The following SRGAP2C variants were observed in gnomAD, a reference collection of about 807,000 sequenced individuals.
SRGAP2C encodes SLIT-ROBO Rho GTPase activating protein 2C, also known as SLIT-ROBO Rho GTPase-activating protein 2C.
SRGAP2C carries 15 observed loss-of-function variants against 25.1 expected under a neutral mutation model. The ratio of observed to expected loss-of-function variants is 0.60; its 90% CI spans 0.40 to 0.92. The LOEUF (loss-of-function observed/expected upper bound fraction) is 0.92. Among genes scored for constraint, SRGAP2C ranks in the 40% least tolerant of loss-of-function variants. The probability of loss-of-function intolerance (pLI) is 0.00; values close to 1 mark genes in which losing one functional copy is unlikely to be tolerated. For missense variants in SRGAP2C, 144 were observed against 264.4 expected (o/e 0.54, Z 3.16); for synonymous variants, 44 against 96.6 (o/e 0.46, Z 3.19).
At chr1:121,308,846 G>A (rs1388973034) in intron 3 of SRGAP2C, among the ~76,000 whole-genome samples, 1 of 144,094 alleles carries the variant, frequency 6.9e-6, no homozygotes, top group African/African-American at 2.6e-5. Context: ...GGCTGAGGCA[G>A]GAGAATCGCT....
chr1:121,268,378 T>G (rs1656858280), intron 2 of SRGAP2C, among the ~76,000 whole-genome samples: 1 of 151,552 alleles, frequency 6.6e-6, no homozygotes, highest in Non-Finnish European at 1.5e-5. Context: ...TGGGGGCCAG[T>G]GAGTAAGGGT....
At chr1:121,304,895 G>T (rs1346627837) in intron 3 of SRGAP2C, among the ~76,000 whole-genome samples, 2 of 151,776 alleles carry the variant, frequency 1.3e-5, no homozygotes, top group South Asian at 2.1e-4. Context: ...CTCCGGAATG[G>T]GGTCTTGACA....
At chr1:121,249,576 A>ATT (rs1274776472) in intron 2 of SRGAP2C, among the ~76,000 whole-genome samples, 6 of 21,522 alleles carry the variant, frequency 2.8e-4, no homozygotes, top group East Asian at 9.9e-4. Context: ...ATATATATAT[A>ATT]TATATTTTTT....
rs1207872564 is a variant in SRGAP2C at position 121,389,209 on chromosome 1, C to T, written c.*1354C>T. The T allele has an allele frequency of 6.6e-6, 1 of 151,804 alleles. No individual in the cohort carries two copies. The highest frequency in any genetic ancestry group is 1.5e-5 in the Non-Finnish European group (1 of 67,954). The allele number at this position is 151,804 out of a possible 1,614,324, so 9.4% of individuals were successfully genotyped here. On this transcript the variant is annotated 3_prime_UTR_variant, in exon 10 of 10. Transcript: ENST00000367123. ...AAAATAACAGAATGGCATTTTAGCT[C>T]ATTCATTGATTTTTATAAAATATTT...
At chr1:121,216,351 G>T (rs1655385130) in intron 2 of SRGAP2C, among the ~76,000 whole-genome samples, 2 of 152,084 alleles carry the variant, frequency 1.3e-5, no homozygotes, top group African/African-American at 4.8e-5. Context: ...GGTCCATGAA[G>T]GTTTTATTCG....
intron 4 of SRGAP2C, among the ~76,000 whole-genome samples, chr1:121,346,546 AACT>A (rs1658747019): frequency 6.6e-6 from 1 of 151,388 alleles, no homozygotes; most frequent in Non-Finnish European, 1.5e-5. Context: ...TTGGTCTAAG[AACT>A]TAGGGTTGTT....
chr1:121,328,379 T>TAAAAATTTTA (rs1658358845), intron 4 of SRGAP2C, among the ~76,000 whole-genome samples: 1 of 150,602 alleles, frequency 6.6e-6, no homozygotes, highest in South Asian at 2.1e-4. Flanking sequence ...TCAACATTTT[T>TAAAAATTTTA]AAAAATCTTT....
chr1:121,263,113 G>A (rs1656667315), intron 2 of SRGAP2C, among the ~76,000 whole-genome samples: 1 of 151,686 alleles, frequency 6.6e-6, no homozygotes, highest in African/African-American at 2.4e-5. Context: ...CAGCACTTTG[G>A]GAGGCTGAGT....
intron 2 of SRGAP2C, among the ~76,000 whole-genome samples, chr1:121,239,587 C>T (rs1553329518): frequency 2.2e-5 from 3 of 138,874 alleles, no homozygotes; most frequent in Middle Eastern, 3.5e-3. Flanking sequence ...CATGGTGGAG[C>T]CCAGAGGAGC....
At chr1:121,330,378 C>CA (rs1658408010) in intron 4 of SRGAP2C, among the ~76,000 whole-genome samples, 1 of 151,220 alleles carries the variant, frequency 6.6e-6, no homozygotes, top group Non-Finnish European at 1.5e-5. Flanking sequence ...GTTTCTATGG[C>CA]AAAAATTTAG....
intron 2 of SRGAP2C, among the ~76,000 whole-genome samples, chr1:121,239,604 TAGTC>T (rs1553329523): frequency 7.1e-6 from 1 of 139,866 alleles, no homozygotes; most frequent in Admixed American, 7.3e-5. Context: ...GAGCAAGTAA[TAGTC>T]AGTTGAGGGT....
At chr1:121,308,045 C>A (rs1553339653) in intron 3 of SRGAP2C, among the ~76,000 whole-genome samples, 3 of 151,762 alleles carry the variant, frequency 2.0e-5, no homozygotes, top group African/African-American at 7.3e-5. Flanking sequence ...GTTCATGGAC[C>A]CTTGGTATTC....
At chr1:121,335,002 T>TA (rs1436991587) in intron 4 of SRGAP2C, among the ~76,000 whole-genome samples, 2 of 138,714 alleles carry the variant, frequency 1.4e-5, no homozygotes, top group Non-Finnish European at 3.1e-5. Context: ...TTCTAAAGTT[T>TA]ACCAATTTGG....
intron 4 of SRGAP2C, among the ~76,000 whole-genome samples, chr1:121,346,884 T>C (rs1344362246): frequency 6.6e-6 from 1 of 151,856 alleles, no homozygotes; most frequent in African/African-American, 2.4e-5. Context: ...TAAGATAGAT[T>C]GTCTGAGTTC....
rs1360302540 is a variant in SRGAP2C, at chr1:121,288,681, C to T, written c.260+3686C>T. On this transcript the variant is annotated intron_variant, in intron 3 of 9. Coordinates refer to ENST00000367123, the MANE Select transcript of SRGAP2C (RefSeq NM_001329984.2). ...CAAACCTTGAGCTAGATATAGAGTG[C>T]CGATTGGTGTATTTACAATCTCTGA... 7.4e-5 allele frequency among the ~76,000 whole-genome samples: 5 copies of T among 67,258 alleles called. 2 individuals carry two copies. Among genetic ancestry groups the T allele is most frequent in the Non-Finnish European group, 1.5e-4 (5 of 33,412 alleles). The allele number at this position is 67,258 out of a possible 152,430, so 44.1% of individuals were successfully genotyped here. A position where few individuals can be genotyped will look rare whatever the true frequency, so the allele number is the denominator to read the frequency against.
chr1:121,270,079 G>C (rs1174330810), intron 2 of SRGAP2C, among the ~76,000 whole-genome samples: 1 of 143,492 alleles, frequency 7.0e-6, no homozygotes, highest in South Asian at 2.3e-4. Context: ...TGTTCCTGTG[G>C]TTTTTGTTTT....
chr1:121,337,710 C>T (rs1195296177), intron 4 of SRGAP2C, among the ~76,000 whole-genome samples: 2 of 144,520 alleles, frequency 1.4e-5, no homozygotes, highest in Non-Finnish European at 3.0e-5. Flanking sequence ...TACAGCTCAT[C>T]AGGCACCATG....
intron 2 of SRGAP2C, among the ~76,000 whole-genome samples, chr1:121,195,270 C>A (rs587677696): frequency 7.4e-4 from 112 of 151,998 alleles, no homozygotes; most frequent in African/African-American, 2.4e-3. Context: ...ATTAGTTGGG[C>A]GTGGTGGTGG....
At chr1:121,320,811 AG>A (rs1658185688) in intron 3 of SRGAP2C, among the ~76,000 whole-genome samples, 2 of 152,220 alleles carry the variant, frequency 1.3e-5, no homozygotes, top group South Asian at 4.2e-4. Flanking sequence ...TAATTGGATA[AG>A]CCCCAACATG....
Sources: gnomAD v4.1 joint callset for allele counts (sites outside exome capture counted in the v4.1 genomes callset) on GRCh38, gnomAD v4.1.1 for gene constraint, MANE v1.5 for transcripts, NCBI Gene and HGNC (gene_info 2026-07-23, HGNC 2026-07-21) for gene names.